Variants in MTRF1 observed in about 807,000 individuals in gnomAD.
MTRF1 encodes mitochondrial translation release factor 1.
A neutral mutation model predicts 62.9 loss-of-function variants in MTRF1; 51 were observed. That is an observed-to-expected ratio of 0.81 (90% confidence interval 0.65 to 1.02). The LOEUF is 1.02. MTRF1 is among the 50% of genes least tolerant of loss of function. MTRF1 has a pLI of 0.00. For synonymous variants in MTRF1, 158 were observed against 181.9 expected (o/e 0.87, Z 1.06); for missense variants, 446 against 530.0 (o/e 0.84, Z 1.56).
chr13:41,261,269 G>A (rs1889077), intron 1 of MTRF1: 9,099 of 172,168 alleles, frequency 0.053, 303 homozygotes, highest in Non-Finnish European at 0.077. Context: ...AGGAGGCAGA[G>A]GTTGCAGTGA....
chr13:41,255,549 A>AGGCAT (rs1346474310), intron 2 of MTRF1, among the ~76,000 whole-genome samples: 1 of 152,082 alleles, frequency 6.6e-6, no homozygotes, highest in East Asian at 1.9e-4. Flanking sequence ...AAAATTATAC[A>AGGCAT]GGCATGGTGG....
At chr13:41,296,075 C>G in the MTRF1 span, among the ~76,000 whole-genome samples, 1 of 152,176 alleles carries the variant, frequency 6.6e-6, no homozygotes, top group Non-Finnish European at 1.5e-5. Context: ...TCCTGAGTAG[C>G]TAGGACTACA....
the MTRF1 span, among the ~76,000 whole-genome samples, chr13:41,291,418 T>C: frequency 6.6e-6 from 1 of 152,094 alleles, no homozygotes; most frequent in African/African-American, 2.4e-5. Context: ...GCTCAAGCGA[T>C]CTACCCGCCA....
At chr13:41,284,805 C>A in the MTRF1 span, among the ~76,000 whole-genome samples, 1 of 152,066 alleles carries the variant, frequency 6.6e-6, no homozygotes, top group Non-Finnish European at 1.5e-5. Flanking sequence ...TGGCACCCGC[C>A]ACCACAACTG....
intron 7 of MTRF1, among the ~76,000 whole-genome samples, chr13:41,232,900 CAAAGA>C (rs2035840496): frequency 6.6e-6 from 1 of 152,004 alleles, no homozygotes; most frequent in East Asian, 1.9e-4. Context: ...GACTCAGAGT[CAAAGA>C]AAAGTAGGCA....
intron 1 of MTRF1, 50 bp from the exon 2 acceptor site, chr13:41,260,965 C>T (rs1190706989): frequency 6.9e-7 from 1 of 1,451,728 alleles, no homozygotes. Flanking sequence ...TCTAAAGATA[C>T]ATGCATAATA....
intron 7 of MTRF1, 149 bp from the exon 8 acceptor site, chr13:41,226,717 G>T: frequency 1.1e-6 from 1 of 892,818 alleles, no homozygotes; most frequent in African/African-American, 1.7e-5. Context: ...AACTAGCTGG[G>T]TTATGATTAT....
At chr13:41,285,722 G>A in the MTRF1 span, among the ~76,000 whole-genome samples, 2 of 152,138 alleles carry the variant, frequency 1.3e-5, no homozygotes, top group Admixed American at 1.3e-4. Flanking sequence ...ATTTTGGGGA[G>A]AGACAACCTT....
In MTRF1 at chr13:41,259,712, A is replaced by AAAAAACAAAAAC. The variant is rs57661393; in HGVS notation, c.415+780_415+781insGTTTTTGTTTTT. On this transcript the variant is annotated intron_variant, in intron 2 of 9. Transcript: ENST00000379480. ...GCGAGACTCCGTCTCAAAAAAAAAAAAAAAAAAAACATAAAAATAAAAAAT... is the reference window on the plus strand; with the variant it reads ...GCGAGACTCCGTCTCAAAAAAAAAAAAAAAACAAAAACAAAAAAAAACATAAAAATAAAAAAT... Among the ~76,000 whole-genome samples the AAAAAACAAAAAC allele has an allele frequency of 1.3e-3, 171 of 136,766 alleles. 3 individuals are homozygous for AAAAAACAAAAAC. Among genetic ancestry groups the AAAAAACAAAAAC allele is most frequent in the South Asian group, 3.8e-3 (17 of 4,486 alleles). The allele number at this position is 136,766 out of a possible 152,430, so 89.7% of individuals were successfully genotyped here.
chr13:41,254,342 T>C (rs948851506), intron 3 of MTRF1, among the ~76,000 whole-genome samples, 187 bp downstream of exon 3: 4 of 152,182 alleles, frequency 2.6e-5, no homozygotes, highest in African/African-American at 9.7e-5. Context: ...GGAGTCTTTA[T>C]TATTTGACAT....
At chr13:41,288,985 C>T in the MTRF1 span, among the ~76,000 whole-genome samples, 4 of 152,096 alleles carry the variant, frequency 2.6e-5, no homozygotes, top group Non-Finnish European at 5.9e-5. Context: ...CAATTGATAG[C>T]AATCATCAAA....
At chr13:41,253,905 C>T (rs368561295) in intron 3 of MTRF1, among the ~76,000 whole-genome samples, 1 of 152,144 alleles carries the variant, frequency 6.6e-6, no homozygotes, top group Non-Finnish European at 1.5e-5. Flanking sequence ...GGACGGCAAA[C>T]GTGACAGAGG....
At chr13:41,227,682 C>T (rs982302040) in intron 7 of MTRF1, among the ~76,000 whole-genome samples, 6 of 152,212 alleles carry the variant, frequency 3.9e-5, no homozygotes, top group African/African-American at 1.4e-4. Flanking sequence ...AAACTAAAAA[C>T]CAAAAGCCCC....
chr13:41,290,087 T>C, the MTRF1 span, among the ~76,000 whole-genome samples: 2 of 144,442 alleles, frequency 1.4e-5, no homozygotes, highest in Admixed American at 1.4e-4. Context: ...ATTGTAATAG[T>C]TCTTTTTTTT....
At chr13:41,306,668 A>G in the MTRF1 span, among the ~76,000 whole-genome samples, 1 of 152,234 alleles carries the variant, frequency 6.6e-6, no homozygotes. Context: ...CCCATATTAC[A>G]TATGTAAAAA....
At chr13:41,311,744 C>G in the MTRF1 span, among the ~76,000 whole-genome samples, 4 of 152,344 alleles carry the variant, frequency 2.6e-5, no homozygotes, top group African/African-American at 9.6e-5. Flanking sequence ...CCGCTCCGGC[C>G]GGCCCACGGG....
the MTRF1 span, among the ~76,000 whole-genome samples, chr13:41,303,274 A>C: frequency 6.6e-6 from 1 of 152,170 alleles, no homozygotes; most frequent in South Asian, 2.1e-4. Context: ...ATCCAGATGG[A>C]GATATTAAAC....
the MTRF1 span, among the ~76,000 whole-genome samples, chr13:41,279,689 TA>T: frequency 6.6e-6 from 1 of 152,284 alleles, no homozygotes; most frequent in East Asian, 1.9e-4. Flanking sequence ...AAAAAATATT[TA>T]ACCCCAAAAT....
intron 6 of MTRF1, chr13:41,235,900 TTTG>T (rs974221703): frequency 7.9e-5 from 12 of 152,146 alleles, no homozygotes; most frequent in African/African-American, 2.9e-4. Context: ...TTTTATTTTG[TTTG>T]TTTTTTGTTT....
Sources: allele counts gnomAD v4.1 joint callset (sites outside exome capture counted in the v4.1 genomes callset), GRCh38; gene constraint gnomAD v4.1.1; transcripts MANE v1.5; gene names NCBI Gene and HGNC (gene_info 2026-07-23, HGNC 2026-07-21).